Variants in AKAP11 observed in about 807,000 individuals in gnomAD.
AKAP11 encodes A-kinase anchoring protein 11.
AKAP11 carries 36 observed loss-of-function variants against 146.1 expected under a neutral mutation model. The ratio of observed to expected loss-of-function variants is 0.25; its 90% CI spans 0.19 to 0.33. The LOEUF (loss-of-function observed/expected upper bound fraction) is 0.33, where lower values mean the gene tolerates loss of function less well. Ranked by LOEUF, AKAP11 falls within the 10% of genes least tolerant of loss-of-function variation. AKAP11 has a pLI of 1.00. For missense variants in AKAP11, 2,201 were observed against 2,197.0 expected (o/e 1.00, Z -0.04); for synonymous variants, 780 against 786.5 (o/e 0.99, Z 0.14).
rs758241362 is a variant in AKAP11, at chr13:42,292,379, C to T, written c.52-6C>T. 6.6e-7 allele frequency: 1 copy of T among 1,524,460 alleles called. No individual in the cohort carries two copies. The highest frequency in any genetic ancestry group is 9.0e-7 in the Non-Finnish European group (1 of 1,114,834). 94.4% of individuals were successfully genotyped at this position (1,524,460 alleles called of 1,614,324 possible). On this transcript the variant is annotated splice_polypyrimidine_tract_variant and splice_region_variant and intron_variant, in intron 3 of 12. Coordinates refer to ENST00000025301, the MANE Select transcript of AKAP11 (RefSeq NM_016248.4). The stretch of plus-strand genomic sequence containing the variant: ...TTGAAATATCTTTGCTTTCTTTCCC[C>T]TGCAGAGCTTCAGTGAAGATGTGTT...
At chr13:42,298,105 A>C (rs1050326181) in intron 6 of AKAP11, among the ~76,000 whole-genome samples, 1 of 152,102 alleles carries the variant, frequency 6.6e-6, no homozygotes, top group African/African-American at 2.4e-5. Context: ...AGGAAGGAAG[A>C]TGGCATCATA....
Position 42,301,382 on chromosome 13 carries a change from T to C in AKAP11, c.2636T>C (p.Val879Ala), listed in dbSNP as rs750763283. 1.9e-6 allele frequency: 3 copies of C among 1,612,924 alleles called. No individual in the cohort carries two copies. In the Admixed American group the frequency reaches 5.0e-5, roughly 27 times the overall value. Reference sequence around the variant, plus strand: ...ATTATTAGCAACTTTTCTGCAGCAGTGGTGCATACGATAGTAAATGAAACT... The same window carrying C: ...ATTATTAGCAACTTTTCTGCAGCAGCGGTGCATACGATAGTAAATGAAACT... ...PAIISNFSAA[V>A]VHTIVNETLE... Residue 879 changes from valine (V) to alanine (A), a missense_variant, in exon 8 of 13, where the codon GTG (valine) becomes GCG (alanine). Physicochemically the swap from Val to Ala is moderately conservative, Grantham distance 64. Transcript: ENST00000025301.
At chr13:42,295,645 G>A in intron 4 of AKAP11, 50 bp from the exon 5 acceptor site, 1 of 1,551,284 alleles carries the variant, frequency 6.4e-7, no homozygotes, top group Non-Finnish European at 8.9e-7. Context: ...TCACCAGCCT[G>A]AAAGATTTAA....
At chr13:42,316,413 C>T (rs911253646) in intron 11 of AKAP11, among the ~76,000 whole-genome samples, 1 of 152,114 alleles carries the variant, frequency 6.6e-6, no homozygotes, top group Non-Finnish European at 1.5e-5. Flanking sequence ...CATTAAGCAG[C>T]AGGAATGTTA....
chr13:42,293,469 C>T (rs1178656819), intron 4 of AKAP11, among the ~76,000 whole-genome samples: 1 of 152,102 alleles, frequency 6.6e-6, no homozygotes, highest in Non-Finnish European at 1.5e-5. Context: ...TGTTCTGGTG[C>T]CTCATCCTCT....
intron 2 of AKAP11, 110 bp downstream of exon 2, chr13:42,286,145 G>T (rs1177560492): frequency 2.7e-6 from 1 of 371,216 alleles, no homozygotes; most frequent in African/African-American, 2.1e-5. Flanking sequence ...TATTCTTGCT[G>T]GATTGCAAGT....
chr13:42,277,548 A>G (rs915930577), intron 1 of AKAP11, among the ~76,000 whole-genome samples: 3 of 152,248 alleles, frequency 2.0e-5, no homozygotes, highest in African/African-American at 7.2e-5. Context: ...TGAAAAATCA[A>G]TAATTTTTCT....
At chr13:42,307,012 G>A (rs888148784) in intron 8 of AKAP11, among the ~76,000 whole-genome samples, 2 of 152,034 alleles carry the variant, frequency 1.3e-5, no homozygotes, top group Admixed American at 6.6e-5. Flanking sequence ...CCAACAAAAC[G>A]ATTATATTCT....
At position 42,319,263 on chromosome 13, in the gene AKAP11, T is replaced by C. The variant is rs375743416; in HGVS notation, c.*35T>C. ...CAAACCAGTATATTTTAGTATTTGT[T>C]TGGGGAGGGGAACAAGCCAATAAAG... On this transcript the variant is annotated 3_prime_UTR_variant, in exon 13 of 13. Transcript: ENST00000025301. 23 of 1,600,486 alleles carry C rather than the reference T, an allele frequency of 1.4e-5. No individual in the cohort carries two copies. The highest frequency in any genetic ancestry group is 1.8e-5 in the Non-Finnish European group (21 of 1,174,796).
Position 42,302,507 on chromosome 13 carries a change from A to C in AKAP11, c.3761A>C (p.Lys1254Thr). Residue 1254 changes from lysine to threonine, a missense_variant, in exon 8 of 13, where the codon AAA (lysine) becomes ACA (threonine). Coordinates refer to ENST00000025301, the MANE Select transcript of AKAP11 (RefSeq NM_016248.4). ...TTAAACCCCTCAGACGAAAATTTGA[A>C]AACATTATGCAATTTTGCGGGTGAT... ...TFLNPSDENL[K>T]TLCNFAGDLA... The C allele has an allele frequency of 6.2e-7, 1 of 1,614,156 alleles. No individual in the cohort carries two copies. Among genetic ancestry groups the C allele is most frequent in the Non-Finnish European group, 8.5e-7 (1 of 1,180,008 alleles).
Position 42,299,878 on chromosome 13 carries a change from C to T in AKAP11, c.1132C>T (p.Pro378Ser), listed in dbSNP as rs1959750785. 1.2e-6 allele frequency: 2 copies of T among 1,613,634 alleles called. No homozygotes were observed. Among genetic ancestry groups the T allele is most frequent in the African/African-American group, 2.7e-5 (2 of 74,864 alleles). ...TLETCLFNKD[P>S]VIGKSSQRKG... The stretch of plus-strand genomic sequence containing the variant: ...AGAGACTTGCCTGTTTAACAAAGAT[C>T]CCGTCATAGGGAAGTCATCGCAGAG... The change falls in exon 8 of 13, where the codon CCC becomes TCC. Residue 378 changes from proline to serine, a missense_variant. Transcript: ENST00000025301.
At chr13:42,275,194 C>T (rs377703047) in intron 1 of AKAP11, among the ~76,000 whole-genome samples, 5 of 152,228 alleles carry the variant, frequency 3.3e-5, no homozygotes, top group Admixed American at 1.3e-4. Context: ...CTGCTACTCA[C>T]GCAGGTCTGT....
At chr13:42,310,817 C>G (rs1451467717) in intron 9 of AKAP11, among the ~76,000 whole-genome samples, 1 of 151,044 alleles carries the variant, frequency 6.6e-6, no homozygotes, top group Non-Finnish European at 1.5e-5. Context: ...TGAGATTGTG[C>G]CACTGTACTC....
intron 3 of AKAP11, among the ~76,000 whole-genome samples, chr13:42,288,351 C>T (rs542761096): frequency 2.0e-5 from 3 of 152,172 alleles, no homozygotes; most frequent in Admixed American, 6.5e-5. Context: ...CACAAACCCA[C>T]GTACCTACCA....
In AKAP11 at chr13:42,286,296, T is replaced by G. The variant is rs1341691975; in HGVS notation, c.-49-4T>G. 8.2e-7 allele frequency: 1 copy of G among 1,213,628 alleles called. No homozygotes were observed. Among genetic ancestry groups the G allele is most frequent in the African/African-American group, 1.6e-5 (1 of 64,238 alleles). The allele number at this position is 1,213,628 out of a possible 1,614,324, so 75.2% of individuals were successfully genotyped here. On this transcript the variant is annotated splice_polypyrimidine_tract_variant and splice_region_variant and intron_variant, in intron 2 of 12. Coordinates refer to ENST00000025301, the MANE Select transcript of AKAP11 (RefSeq NM_016248.4). ...AATAAGTTGTTTTAATATGTTTTCT[T>G]TAGGTGTTTTGTGGATTAACTCTTC...
chr13:42,317,928 G>T (rs1960899791), intron 12 of AKAP11, among the ~76,000 whole-genome samples: 2 of 152,182 alleles, frequency 1.3e-5, no homozygotes, highest in East Asian at 3.9e-4. Context: ...CCTTACAGGG[G>T]TTTATGAGGA....
At chr13:42,314,077 T>TC in intron 11 of AKAP11, 137 bp downstream of exon 11, 1 of 804,994 alleles carries the variant, frequency 1.2e-6, no homozygotes, top group Non-Finnish European at 1.9e-6. Context: ...TTGAACTAAT[T>TC]TTGTTTGTCC....
intron 1 of AKAP11, among the ~76,000 whole-genome samples, chr13:42,272,829 G>A (rs948273276): frequency 6.6e-6 from 1 of 152,188 alleles, no homozygotes; most frequent in Non-Finnish European, 1.5e-5. Context: ...TGGCCATAAA[G>A]TACCCCGAAT....
chr13:42,323,102 A>G lies in AKAP11; in HGVS notation c.*3874A>G, dbSNP rs1013343092. ...AATATGTTCACTTAACAAAATACGA[A>G]CTTTGAGATGCACTAAAGTTTTGTT... On this transcript the variant is annotated 3_prime_UTR_variant, in exon 13 of 13. Transcript: ENST00000025301. The G allele has an allele frequency of 3.3e-5, 5 of 152,750 alleles. No individual in the cohort carries two copies. Among genetic ancestry groups the G allele is most frequent in the African/African-American group, 9.7e-5 (4 of 41,440 alleles). The allele number at this position is 152,750 out of a possible 1,614,324, so 9.5% of individuals were successfully genotyped here.
Sources: allele counts gnomAD v4.1 joint callset (sites outside exome capture counted in the v4.1 genomes callset), GRCh38; gene constraint gnomAD v4.1.1; transcripts MANE v1.5; gene names NCBI Gene and HGNC (gene_info 2026-07-23, HGNC 2026-07-21).